Variants in ST7 observed in about 807,000 individuals in gnomAD.
ST7 encodes suppressor of tumorigenicity 7 protein.
A neutral mutation model predicts 78.7 loss-of-function variants in ST7; 28 were observed. The ratio of observed to expected loss-of-function variants is 0.36; its 90% CI spans 0.26 to 0.49. ST7 has a LOEUF of 0.49. ST7 is among the 20% of genes least tolerant of loss of function. ST7 has a pLI of 0.99. For synonymous variants in ST7, 247 were observed against 249.6 expected, an observed-to-expected ratio of 0.99 and a Z score of 0.10; for missense variants, 418 against 696.0, an observed-to-expected ratio of 0.60 and a Z score of 4.49.
intron 1 of ST7, chr7:117,020,410 AC>A (rs5886844): frequency 0.99 from 585,658 of 589,424 alleles, 291,067 homozygotes; most frequent in East Asian, 1. Context: ...TTTCAATCAC[AC>A]CGGGAGAAAA....
chr7:117,153,255 AG>A (rs1323856444), intron 9 of ST7, among the ~76,000 whole-genome samples: 2 of 152,154 alleles, frequency 1.3e-5, no homozygotes, highest in African/African-American at 2.4e-5. Flanking sequence ...GGTGGGCAGG[AG>A]GAATGATTTC....
At chr7:117,005,022 A>G (rs1795098870) in intron 1 of ST7, among the ~76,000 whole-genome samples, 2 of 152,328 alleles carry the variant, frequency 1.3e-5, no homozygotes, top group South Asian at 4.1e-4. Flanking sequence ...ATATATTGCT[A>G]CTGCATAATG....
chr7:116,974,717 A>T (rs1793609926), intron 1 of ST7, among the ~76,000 whole-genome samples: 1 of 152,206 alleles, frequency 6.6e-6, no homozygotes, highest in Non-Finnish European at 1.5e-5. Context: ...TGCATTCATG[A>T]TGACAGTATA....
At chr7:117,097,908 A>AT (rs751549285) in intron 1 of ST7, among the ~76,000 whole-genome samples, 8 of 30,010 alleles carry the variant, frequency 2.7e-4, no homozygotes, top group African/African-American at 9.6e-4. Context: ...ATATATATAT[A>AT]TTTTTTTTTT....
intron 10 of ST7, among the ~76,000 whole-genome samples, chr7:117,178,683 C>T (rs1808519021): frequency 6.6e-6 from 1 of 152,182 alleles, no homozygotes; most frequent in African/African-American, 2.4e-5. Flanking sequence ...AAAACTACGT[C>T]TTGATTGTTA....
chr7:116,961,581 T>TGG (rs1489585856), intron 1 of ST7, among the ~76,000 whole-genome samples: 3 of 151,460 alleles, frequency 2.0e-5, no homozygotes, highest in Non-Finnish European at 4.4e-5. Flanking sequence ...TGTGTGTGTG[T>TGG]GTGTGTGTGT....
At chr7:117,027,267 C>A (rs904792195) in intron 1 of ST7, among the ~76,000 whole-genome samples, 2 of 151,890 alleles carry the variant, frequency 1.3e-5, no homozygotes, top group Non-Finnish European at 2.9e-5. Context: ...CATGGTGAAA[C>A]CCTGTCTCTA....
chr7:116,981,352 C>T (rs2116327732), intron 1 of ST7, among the ~76,000 whole-genome samples: 1 of 152,260 alleles, frequency 6.6e-6, no homozygotes, highest in Middle Eastern at 3.4e-3. Flanking sequence ...TTTAGTGATG[C>T]TCCCACCTCG....
intron 9 of ST7, among the ~76,000 whole-genome samples, chr7:117,169,794 C>T (rs1807845434): frequency 6.7e-6 from 1 of 149,310 alleles, no homozygotes; most frequent in Non-Finnish European, 1.5e-5. Flanking sequence ...TCAAGACAGC[C>T]TTAGCAATCC....
At chr7:117,094,461 C>T (rs918248980) in intron 1 of ST7, among the ~76,000 whole-genome samples, 3 of 152,192 alleles carry the variant, frequency 2.0e-5, no homozygotes, top group Admixed American at 6.5e-5. Context: ...ATAATTTCCT[C>T]GTGTGTCCTT....
chr7:117,097,463 T>G (rs1288788233), intron 1 of ST7, among the ~76,000 whole-genome samples: 1 of 151,842 alleles, frequency 6.6e-6, no homozygotes, highest in Non-Finnish European at 1.5e-5. Context: ...GTTGCTGGGA[T>G]TACAGGCACC....
chr7:117,134,264 C>G, intron 7 of ST7, 72 bp downstream of exon 7: 1 of 1,596,886 alleles, frequency 6.3e-7, no homozygotes. Flanking sequence ...GGATGGTTGA[C>G]ACCCCCATCA....
intron 1 of ST7, among the ~76,000 whole-genome samples, chr7:116,961,593 T>TGTGG (rs57263054): frequency 2.2e-5 from 3 of 137,394 alleles, no homozygotes; most frequent in Non-Finnish European, 4.8e-5. Context: ...TGTGTGTGTG[T>TGTGG]GGTGGGGGGC....
At chr7:116,959,417 G>A (rs1233075224) in intron 1 of ST7, 3 of 330,518 alleles carry the variant, frequency 9.1e-6, no homozygotes, top group African/African-American at 4.4e-5. Flanking sequence ...GTATATGTAT[G>A]TTTTATTACT....
chr7:117,064,162 T>C (rs1798505707), intron 1 of ST7, among the ~76,000 whole-genome samples: 1 of 151,664 alleles, frequency 6.6e-6, no homozygotes, highest in Non-Finnish European at 1.5e-5. Context: ...AACATTAAAA[T>C]TTATGGGACA....
At chr7:117,052,678 A>T (rs972769719) in intron 1 of ST7, among the ~76,000 whole-genome samples, 1 of 152,198 alleles carries the variant, frequency 6.6e-6, no homozygotes, top group Admixed American at 6.5e-5. Flanking sequence ...GTGGATCACG[A>T]GGTCAGGAGA....
chr7:117,075,467 A>G (rs941611767), intron 1 of ST7, among the ~76,000 whole-genome samples: 2 of 152,186 alleles, frequency 1.3e-5, no homozygotes, highest in African/African-American at 2.4e-5. Flanking sequence ...TATTTGGACT[A>G]ATTGGAAGAC....
intron 1 of ST7, among the ~76,000 whole-genome samples, chr7:117,042,481 G>A (rs948230583): frequency 2.6e-5 from 4 of 152,110 alleles, no homozygotes; most frequent in African/African-American, 7.2e-5. Context: ...GGGCTAGAGT[G>A]TACCTTGATT....
At chr7:117,038,054 T>G (rs770219525) in intron 1 of ST7, among the ~76,000 whole-genome samples, 42 of 152,216 alleles carry the variant, frequency 2.8e-4, no homozygotes, top group Non-Finnish European at 4.9e-4. Context: ...ATGTGATAAC[T>G]TTTTAAAGAA....
Sources: gnomAD v4.1 joint callset for allele counts (sites outside exome capture counted in the v4.1 genomes callset) on GRCh38, gnomAD v4.1.1 for gene constraint, MANE v1.5 for transcripts, NCBI Gene and HGNC (gene_info 2026-07-23, HGNC 2026-07-21) for gene names.